The following ITPR1 variants were observed in gnomAD, a reference collection of about 807,000 sequenced individuals.
ITPR1 encodes inositol 1,4,5-trisphosphate receptor type 1.
ITPR1 carries 96 observed loss-of-function variants against 318.4 expected under a neutral mutation model. The ratio of observed to expected loss-of-function variants is 0.30; its 90% CI spans 0.26 to 0.36. The LOEUF (loss-of-function observed/expected upper bound fraction) is 0.36. Ranked by LOEUF, ITPR1 falls within the 10% of genes least tolerant of loss-of-function variation. ITPR1 has a pLI of 1.00. For missense variants in ITPR1, 2,440 were observed against 3,460.2 expected, an observed-to-expected ratio of 0.71 and a Z score of 7.40; for synonymous variants, 1,312 against 1,289.9, an observed-to-expected ratio of 1.02 and a Z score of -0.37.
chr3:4,604,927 T>G (rs1402136060), intron 4 of ITPR1, among the ~76,000 whole-genome samples: 1 of 152,080 alleles, frequency 6.6e-6, no homozygotes, highest in African/African-American at 2.4e-5. Context: ...AGCTGGAATC[T>G]AACCATGAGA....
At chr3:4,788,294 T>C (rs1447129489) in intron 52 of ITPR1, among the ~76,000 whole-genome samples, 155 bp downstream of exon 52, 5 of 152,382 alleles carry the variant, frequency 3.3e-5, no homozygotes, top group Non-Finnish European at 5.9e-5. Flanking sequence ...TAACCAGTTT[T>C]GCAGCTGATC....
In ITPR1 at chr3:4,611,561, A is replaced by AAAATAAATAAATAAATAAAT. The variant is rs372628182; in HGVS notation, c.164-16185_164-16166dup. Reference sequence around the variant, plus strand: ...GGTGACAGAGCGAGACTCTCTCTCAAAAATAAATAAATAAATAAATAAATA... The same window carrying AAAATAAATAAATAAATAAAT: ...GGTGACAGAGCGAGACTCTCTCTCAAAAATAAATAAATAAATAAATAAATAAATAAATAAATAAATAAATA... On this transcript the variant is annotated intron_variant, in intron 4 of 61. Transcript: ENST00000649015. Among the ~76,000 whole-genome samples, 987 of 142,538 alleles carry AAAATAAATAAATAAATAAAT rather than the reference A, an allele frequency of 6.9e-3. 9 individuals carry two copies. Among genetic ancestry groups the AAAATAAATAAATAAATAAAT allele is most frequent in the East Asian group, 0.017 (82 of 4,770 alleles). 93.5% of individuals were successfully genotyped at this position (142,538 alleles called of 152,430 possible). A position where few individuals can be genotyped will look rare whatever the true frequency, so the allele number is the denominator to read the frequency against.
In ITPR1 at chr3:4,624,842, A is replaced by G. The variant is rs553400419; in HGVS notation, c.164-2921A>G. On this transcript the variant is annotated intron_variant, in intron 4 of 61. Transcript: ENST00000649015. ...TAATGTAAACTACTGTCTCCTGGTC[A>G]TGTATGGTTATTCATGGAGTGAATG... Among the ~76,000 whole-genome samples, 17 of 152,292 alleles carry G rather than the reference A, an allele frequency of 1.1e-4. No homozygotes were observed. In the South Asian group the frequency reaches 3.5e-3, roughly 32 times the overall value.
chr3:4,746,499 T>C (rs778114567), intron 44 of ITPR1, among the ~76,000 whole-genome samples: 14 of 152,172 alleles, frequency 9.2e-5, no homozygotes, highest in Admixed American at 5.2e-4. Flanking sequence ...CAAGCCCTGA[T>C]TGAAATGTCT....
chr3:4,775,097 G>A, intron 46 of ITPR1, 145 bp from the exon 47 acceptor site: 3 of 683,648 alleles, frequency 4.4e-6, no homozygotes, highest in Non-Finnish European at 5.2e-6. Context: ...GTGGTGGGGG[G>A]CATACTGACT....
At chr3:4,545,691 C>CTTTT (rs71623167) in intron 4 of ITPR1, among the ~76,000 whole-genome samples, 22 of 103,396 alleles carry the variant, frequency 2.1e-4, no homozygotes, top group African/African-American at 7.0e-4. Context: ...AGTATGCAAA[C>CTTTT]TTTTTTTTTT....
intron 44 of ITPR1, among the ~76,000 whole-genome samples, chr3:4,745,112 T>G (rs2044006602): frequency 6.7e-6 from 1 of 148,330 alleles, no homozygotes; most frequent in African/African-American, 2.5e-5. Flanking sequence ...TTTTTTTTCT[T>G]TCCCTCCTTC....
At chr3:4,661,504 G>T (rs1378280163) in intron 14 of ITPR1, among the ~76,000 whole-genome samples, 1 of 152,026 alleles carries the variant, frequency 6.6e-6, no homozygotes, top group African/African-American at 2.4e-5. Flanking sequence ...GTTCTCTCCA[G>T]CCCCTTTACT....
chr3:4,734,231 C>T (rs916963672), intron 43 of ITPR1, among the ~76,000 whole-genome samples: 1 of 152,206 alleles, frequency 6.6e-6, no homozygotes, highest in Non-Finnish European at 1.5e-5. Context: ...CATAATCTCT[C>T]AAAACCATTC....
In ITPR1 at chr3:4,690,801, A is replaced by G. The variant is rs576949915; in HGVS notation, c.3829-343A>G. 6.6e-5 allele frequency among the ~76,000 whole-genome samples: 10 copies of G among 152,376 alleles called. No individual in the cohort carries two copies. The East Asian group carries it at 1.9e-3, about 29-fold the overall frequency. On this transcript the variant is annotated intron_variant, in intron 31 of 61. Coordinates refer to ENST00000649015, the MANE Select transcript of ITPR1 (RefSeq NM_001378452.1). ...AGTGCAAGAGGTTTAAGAACAGGCA[A>G]AACTAATCTGGTTATATAAGTCAAA...
chr3:4,737,543 T>C (rs1172682547), intron 44 of ITPR1, among the ~76,000 whole-genome samples: 9 of 152,122 alleles, frequency 5.9e-5, no homozygotes, highest in Admixed American at 5.9e-4. Flanking sequence ...AGGAGTGCTA[T>C]GTAGAAGTGA....
intron 4 of ITPR1, among the ~76,000 whole-genome samples, chr3:4,600,801 G>T (rs1160959861): frequency 6.6e-6 from 1 of 152,080 alleles, no homozygotes; most frequent in Non-Finnish European, 1.5e-5. Context: ...CCCAACAAGG[G>T]CGACTCCCAC....
chr3:4,709,041 A>G (rs897862487), intron 37 of ITPR1, among the ~76,000 whole-genome samples: 3 of 152,246 alleles, frequency 2.0e-5, no homozygotes. Context: ...TGAACATGAT[A>G]AGAACAACTT....
intron 4 of ITPR1, among the ~76,000 whole-genome samples, chr3:4,570,849 A>G (rs1002574749): frequency 6.6e-6 from 1 of 152,214 alleles, no homozygotes; most frequent in African/African-American, 2.4e-5. Flanking sequence ...GTTATCTTTG[A>G]CACATAGCAG....
chr3:4,680,220 G>C (rs768923036), intron 24 of ITPR1, among the ~76,000 whole-genome samples: 1 of 152,138 alleles, frequency 6.6e-6, no homozygotes, highest in Non-Finnish European at 1.5e-5. Flanking sequence ...GCCCAGAGTT[G>C]ACATTCAATA....
intron 41 of ITPR1, among the ~76,000 whole-genome samples, chr3:4,726,183 C>A (rs1245763123): frequency 3.3e-5 from 5 of 152,062 alleles, no homozygotes; most frequent in Admixed American, 6.5e-5. Context: ...GCATGTGCAA[C>A]AACGCTCAGC....
chr3:4,815,471 T>C (rs2049232035), intron 59 of ITPR1, among the ~76,000 whole-genome samples: 1 of 152,190 alleles, frequency 6.6e-6, no homozygotes, highest in Admixed American at 6.5e-5. Context: ...TAACATCATT[T>C]AGTCATTTAA....
chr3:4,814,938 T>C lies in ITPR1; in HGVS notation c.7702-115T>C, dbSNP rs1040354771. 3.5e-6 allele frequency: 3 copies of C among 857,190 alleles called. No homozygotes were observed. The African/African-American group carries it at 5.1e-5, about 15-fold the overall frequency. 53.1% of individuals were successfully genotyped at this position (857,190 alleles called of 1,614,324 possible). A position where few individuals can be genotyped will look rare whatever the true frequency, so the allele number is the denominator to read the frequency against. On this transcript the variant is annotated intron_variant, in intron 58 of 61. Transcript: ENST00000649015. ...TGCAGTTTTCAGTTTAAAAGTTGAA[T>C]GCCCAATTTAATTTCTACCCAAGTA... is the stretch of plus-strand genomic sequence containing the variant.
chr3:4,709,770 T>G (rs1173179540), intron 37 of ITPR1, among the ~76,000 whole-genome samples: 5 of 152,252 alleles, frequency 3.3e-5, no homozygotes, highest in Non-Finnish European at 7.3e-5. Context: ...GTTCATTCAT[T>G]GGTGTCCTCA....
Sources: allele counts gnomAD v4.1 joint callset (sites outside exome capture counted in the v4.1 genomes callset), GRCh38; gene constraint gnomAD v4.1.1; transcripts MANE v1.5; gene names NCBI Gene and HGNC (gene_info 2026-07-23, HGNC 2026-07-21).